The following DNAH1 variants were observed in gnomAD, a reference collection of about 807,000 sequenced individuals.
DNAH1 encodes the protein axonemal beta dynein heavy chain 1.
Under a neutral mutation model 484.3 loss-of-function variants are expected in DNAH1, and 327 were observed. That is an observed-to-expected ratio of 0.68 (90% CI 0.62 to 0.74). The LOEUF (loss-of-function observed/expected upper bound fraction) is 0.74, where lower values mean the gene tolerates loss of function less well. DNAH1 is among the 30% of genes least tolerant of loss of function. The pLI is 0.00. For synonymous variants in DNAH1, 2,192 were observed against 2,191.9 expected (o/e 1.00, Z 0.00); for missense variants, 5,052 against 5,546.8 (o/e 0.91, Z 2.83).
At position 52,349,171 on chromosome 3, in the gene DNAH1, C is replaced by G. The variant is rs537452517; in HGVS notation, c.2301-24C>G. On this transcript the variant is annotated intron_variant, in intron 13 of 77. Transcript: ENST00000420323. ...CACCCTGCTCACCATCCTCTGCCCC[C>G]TCCCGTGTGCTTGCTGTCCTCAGAA... The G allele has an allele frequency of 6.2e-6, 10 of 1,612,280 alleles. No homozygotes were observed. In the East Asian group the frequency reaches 1.1e-4, roughly 18 times the overall value.
chr3:52,385,776 C>T (rs1263791553), intron 54 of DNAH1, among the ~76,000 whole-genome samples: 4 of 152,228 alleles, frequency 2.6e-5, no homozygotes, highest in African/African-American at 9.6e-5. Context: ...TTGTGTATTC[C>T]TTATGACAGC....
chr3:52,342,669 G>T (rs1701980987), intron 8 of DNAH1, among the ~76,000 whole-genome samples: 1 of 152,188 alleles, frequency 6.6e-6, no homozygotes, highest in African/African-American at 2.4e-5. Context: ...AGCAGGAAGA[G>T]ACCAGGGACC....
At chr3:52,394,348 AGGG>A in intron 66 of DNAH1, 114 bp from the exon 67 acceptor site, 1 of 982,376 alleles carries the variant, frequency 1.0e-6, no homozygotes. Context: ...ACCATCCCCA[AGGG>A]AGACTCAGTT....
chr3:52,374,284 A>C, intron 44 of DNAH1: 1 of 1,528,910 alleles, frequency 6.5e-7, no homozygotes, highest in Non-Finnish European at 9.1e-7. Flanking sequence ...TAAAAGAAGA[A>C]CACAAGATTT....
chr3:52,351,717 T>A (rs886267829), intron 16 of DNAH1, among the ~76,000 whole-genome samples: 2 of 152,190 alleles, frequency 1.3e-5, no homozygotes, highest in Non-Finnish European at 2.9e-5. Flanking sequence ...GGTCTGCATC[T>A]CACTGGATGC....
Position 52,386,845 on chromosome 3 carries a change from T to C in DNAH1, c.8995T>C (p.Phe2999Leu). ...PGHFLESLFK[F>L]DKDNIGDVVI... ...CCACTTCCTTGAGAGCCTCTTCAAG[T>C]TTGACAAGGTAAGCATGCCAGGCAC... Residue 2999 changes from phenylalanine (F) to leucine (L), a missense_variant, in exon 56 of 78, where the codon TTT (phenylalanine) becomes CTT (leucine). By Grantham distance (22) the Phe-to-Leu change is conservative (BLOSUM62 0). This residue lies in a region of DNAH1 where 2,929 missense variants were observed against 3,409.4 expected (regional missense o/e 0.86). Coordinates refer to ENST00000420323, the MANE Select transcript of DNAH1 (RefSeq NM_015512.5). The C allele has an allele frequency of 6.4e-7, 1 of 1,570,142 alleles. No individual in the cohort carries two copies. Among genetic ancestry groups the C allele is most frequent in the South Asian group, 1.2e-5 (1 of 85,148 alleles).
At chr3:52,396,245 C>T in intron 70 of DNAH1, 123 bp from the exon 71 acceptor site, 2 of 1,139,612 alleles carry the variant, frequency 1.8e-6, no homozygotes, top group Non-Finnish European at 1.2e-6. Context: ...AAGCCCAATT[C>T]TTAACCAGTT....
rs1702073074 is a variant in DNAH1, at chr3:52,344,618, A to G, written c.1415A>G (p.Lys472Arg). The G allele has an allele frequency of 6.2e-7, 1 of 1,613,822 alleles. No homozygotes were observed. Among genetic ancestry groups the G allele is most frequent in the East Asian group, 2.2e-5 (1 of 44,880 alleles). ...PETFSYVTLP[K>R]KEEEQVPERG... is the part of the protein sequence containing the mutation. ...ACCTTCTCCTACGTCACCCTCCCCA[A>G]GAAGGAGGAGGAGCAGGTGCCTGAG... The change falls in exon 9 of 78, where the codon AAG becomes AGG. Residue 472 changes from lysine (K) to arginine (R), a missense_variant. This residue lies in a region of DNAH1 where 1,263 missense variants were observed against 1,218.8 expected (regional missense o/e 1.04). Transcript: ENST00000420323.
rs1452768314 is a variant in DNAH1, at chr3:52,362,865, GA to G, written c.5095-127del. The G allele has an allele frequency of 7.6e-7, 1 of 1,315,164 alleles. No individual in the cohort carries two copies. The highest frequency in any genetic ancestry group is 1.1e-6 in the Non-Finnish European group (1 of 938,440). 81.5% of individuals were successfully genotyped at this position (1,315,164 alleles called of 1,614,324 possible). On this transcript the variant is annotated intron_variant, in intron 31 of 77. Coordinates refer to ENST00000420323, the MANE Select transcript of DNAH1 (RefSeq NM_015512.5). This position sits in a 1 kb window ranked among gnomAD's most constrained non-coding sequence, Gnocchi z 5.1. ...GCAGAGCTACCAGTCTCAGGGGAGT[GA>G]AAGCCTCAGCTGTGGCAGGCTTGGT...
intron 37 of DNAH1, 85 bp from the exon 38 acceptor site, chr3:52,369,740 C>A: frequency 1.4e-6 from 2 of 1,444,082 alleles, no homozygotes; most frequent in Non-Finnish European, 1.9e-6. Context: ...ACAGGATGTG[C>A]AGCCCCTCCC....
chr3:52,395,795 A>C lies in DNAH1; in HGVS notation c.11259+117A>C. 7.0e-7 allele frequency: 1 copy of C among 1,429,536 alleles called. No homozygotes were observed. Among genetic ancestry groups the C allele is most frequent in the East Asian group, 2.5e-5 (1 of 39,944 alleles). 88.6% of individuals were successfully genotyped at this position (1,429,536 alleles called of 1,614,324 possible). ...CTCTGCCCAGCCTCTAGCACGTGGC[A>C]AGTGCTCAGCAACTGACATGTGCCA... is the stretch of plus-strand genomic sequence containing the variant. On this transcript the variant is annotated intron_variant, in intron 70 of 77. Transcript: ENST00000420323. This position sits in a 1 kb window ranked among gnomAD's most constrained non-coding sequence, Gnocchi z 4.4.
At chr3:52,359,047 T>A (rs978516913) in intron 25 of DNAH1, among the ~76,000 whole-genome samples, 199 bp from the exon 26 acceptor site, 1 of 152,154 alleles carries the variant, frequency 6.6e-6, no homozygotes, top group Non-Finnish European at 1.5e-5. Context: ...CTCCCCAGCC[T>A]GCAGAGTCAG....
chr3:52,346,335 T>C, intron 10 of DNAH1, 137 bp from the exon 11 acceptor site: 1 of 902,876 alleles, frequency 1.1e-6, no homozygotes, highest in Non-Finnish European at 1.6e-6. Flanking sequence ...TGGCAGTAAG[T>C]TGGGGTAGGG....
In DNAH1 at chr3:52,395,290, C is replaced by G; in HGVS notation, c.10969-18C>G. 1 of 1,610,446 alleles carries G rather than the reference C, an allele frequency of 6.2e-7. No individual in the cohort carries two copies. Among genetic ancestry groups the G allele is most frequent in the Non-Finnish European group, 8.5e-7 (1 of 1,177,958 alleles). On this transcript the variant is annotated intron_variant, in intron 68 of 77. Coordinates refer to ENST00000420323, the MANE Select transcript of DNAH1 (RefSeq NM_015512.5). This position sits in a 1 kb window ranked among gnomAD's most constrained non-coding sequence, Gnocchi z 4.4. ...CTGCAGCCCCAGGTGGTCTCAGCAT[C>G]TCCCCCTGCCCTTGCAGACAGCCAA...
In DNAH1 at chr3:52,326,121, C is replaced by A; in HGVS notation, c.407-19C>A. ...GCTGGCCTGAGCCCTGAAGCCCCTG[C>A]CCCTGCTTCTACCTGCAGTCGGAAG... On this transcript the variant is annotated intron_variant, in intron 3 of 77. Transcript: ENST00000420323. 1 of 1,562,938 alleles carries A rather than the reference C, an allele frequency of 6.4e-7. No individual in the cohort carries two copies. Among genetic ancestry groups the A allele is most frequent in the Non-Finnish European group, 8.7e-7 (1 of 1,150,818 alleles).
In DNAH1 at chr3:52,332,485, C is replaced by T. The variant is rs1040711789; in HGVS notation, c.1286+91C>T. On this transcript the variant is annotated intron_variant, in intron 8 of 77. Transcript: ENST00000420323. ...GTTGGTGCTACTCCAGGGTGGAGCT[C>T]CCTCAGGGCTCATCTGTTTGAGACT... 10 of 1,531,398 alleles carry T rather than the reference C, an allele frequency of 6.5e-6. No individual in the cohort carries two copies. The East Asian group carries it at 6.9e-5, about 10-fold the overall frequency. The allele number at this position is 1,531,398 out of a possible 1,614,324, so 94.9% of individuals were successfully genotyped here.
rs749480018 is a variant in DNAH1, at chr3:52,346,711, C to T, written c.1896C>T (p.Ser632=). Residue 632 remains serine, a synonymous_variant, in exon 11 of 78, where the codon AGC becomes AGT. Coordinates refer to ENST00000420323, the MANE Select transcript of DNAH1 (RefSeq NM_015512.5). ...AGTTCATCAGCGACACCTGTTGCAGCGTGCTCAACTGCACCGATGACATGG... is the reference window on the plus strand; with the variant it reads ...AGTTCATCAGCGACACCTGTTGCAGTGTGCTCAACTGCACCGATGACATGG... ...FSQFISDTCC[S]VLNCTDDMVW... 8.7e-6 allele frequency: 14 copies of T among 1,613,788 alleles called. No homozygotes were observed. The highest frequency in any genetic ancestry group is 3.3e-5 in the South Asian group (3 of 91,068).
chr3:52,370,329 A>G (rs572208446), intron 39 of DNAH1, 100 bp downstream of exon 39: 156 of 1,542,202 alleles, frequency 1.0e-4, no homozygotes, highest in Admixed American at 1.5e-4. Context: ...TTGGTGCAAC[A>G]TGGTGCAACA....
intron 8 of DNAH1, among the ~76,000 whole-genome samples, chr3:52,335,372 T>G (rs1396056357): frequency 6.8e-6 from 1 of 147,492 alleles, no homozygotes; most frequent in Non-Finnish European, 1.5e-5. Context: ...TGTGATTTTT[T>G]TTTGCTTTTT....
Sources: allele counts gnomAD v4.1 joint callset (sites outside exome capture counted in the v4.1 genomes callset), GRCh38; gene constraint gnomAD v4.1.1; regional missense constraint gnomAD v4.1.1; non-coding constraint Gnocchi (gnomAD v3.1); transcripts MANE v1.5; gene names NCBI Gene and HGNC (gene_info 2026-07-23, HGNC 2026-07-21).